The following CHMP6 variants were observed in gnomAD, a reference collection of about 807,000 sequenced individuals.
The protein encoded by CHMP6 is charged multivesicular body protein 6.
CHMP6 carries 10 observed loss-of-function variants against 32.8 expected under a neutral mutation model. The ratio of observed to expected loss-of-function variants is 0.30; its 90% CI spans 0.19 to 0.52. The LOEUF is 0.52. Ranked by LOEUF, CHMP6 falls within the 20% of genes least tolerant of loss-of-function variation. The pLI is 0.97. For synonymous variants in CHMP6, 123 were observed against 105.8 expected, an observed-to-expected ratio of 1.16 and a Z score of -1.00; for missense variants, 269 against 263.8, an observed-to-expected ratio of 1.02 and a Z score of -0.14.
chr17:80,991,923 G>A lies in CHMP6; in HGVS notation c.5G>A (p.Gly2Asp). ...GGGCCAGGGGCGGGCGCCGCCATGG[G>A]TAACCTGTTCGGCCGCAAGAAGCAG... M[G>D]NLFGRKKQSR... The change falls in exon 1 of 8, where the codon GGT becomes GAT. Residue 2 changes from glycine to aspartate, a missense_variant. Gly to Asp is a moderately conservative substitution (Grantham distance 94). Transcript: ENST00000325167. 1 of 1,468,306 alleles carries A rather than the reference G, an allele frequency of 6.8e-7. No homozygotes were observed. The highest frequency in any genetic ancestry group is 9.1e-7 in the Non-Finnish European group (1 of 1,104,442). The allele number at this position is 1,468,306 out of a possible 1,614,324, so 91.0% of individuals were successfully genotyped here. A position where few individuals can be genotyped will look rare whatever the true frequency, so the allele number is the denominator to read the frequency against.
Position 80,997,351 on chromosome 17 carries a change from C to T in CHMP6, c.495+10C>T, listed in dbSNP as rs774760416. On this transcript the variant is annotated intron_variant, in intron 6 of 7. Transcript: ENST00000325167. ...GAGCGCAATCACTCAGGTAACGGCC[C>T]CCCCGGGACTGAGCACAGTCACTCA... The T allele has an allele frequency of 5.0e-6, 8 of 1,601,324 alleles. No homozygotes were observed. The highest frequency in any genetic ancestry group is 1.7e-5 in the Admixed American group (1 of 58,228).
Position 80,996,991 on chromosome 17 carries a change from T to A in CHMP6, c.349-16T>A. The stretch of plus-strand genomic sequence containing the variant: ...GCCTCGCGACAGGGGTCAACACCCA[T>A]CACCCTCGTCCACAGGTGATGTCCA... On this transcript the variant is annotated splice_polypyrimidine_tract_variant and intron_variant, in intron 4 of 7. Coordinates refer to ENST00000325167, the MANE Select transcript of CHMP6 (RefSeq NM_024591.5). 1 of 1,610,654 alleles carries A rather than the reference T, an allele frequency of 6.2e-7. No individual in the cohort carries two copies. Among genetic ancestry groups the A allele is most frequent in the Middle Eastern group, 1.7e-4 (1 of 5,968 alleles).
chr17:80,992,272 G>A (rs1241930266), intron 1 of CHMP6, among the ~76,000 whole-genome samples: 1 of 151,870 alleles, frequency 6.6e-6, no homozygotes, highest in African/African-American at 2.4e-5. Flanking sequence ...TGCGGGATTC[G>A]ACGCCGGCGT....
At chr17:80,996,013 G>A (rs561740617) in intron 4 of CHMP6, among the ~76,000 whole-genome samples, 23 of 152,184 alleles carry the variant, frequency 1.5e-4, no homozygotes, top group Middle Eastern at 6.8e-3. Context: ...GAGGGGGCTG[G>A]CAAACTAATC....
intron 2 of CHMP6, 85 bp from the exon 3 acceptor site, chr17:80,994,934 G>T: frequency 1.4e-6 from 1 of 738,818 alleles, no homozygotes; most frequent in South Asian, 1.9e-5. Context: ...GGGGTGGGGG[G>T]CCCGGGCAGC....
At chr17:80,993,619 C>T (rs527784960) in intron 1 of CHMP6, among the ~76,000 whole-genome samples, 4 of 152,346 alleles carry the variant, frequency 2.6e-5, no homozygotes, top group African/African-American at 7.2e-5. Flanking sequence ...TGTGCCTGCA[C>T]GGGCTCAGCA....
At position 80,999,278 on chromosome 17, in the gene CHMP6, G is replaced by A. The variant is rs188860519; in HGVS notation, c.*125G>A. On this transcript the variant is annotated 3_prime_UTR_variant, in exon 8 of 8. Transcript: ENST00000325167. ...AGTGCGCACGGTGCTGAGCAGAGCT[G>A]CAGCCACGCAGGCGCATTGCAGGAG... The A allele has an allele frequency of 7.7e-4, 821 of 1,068,710 alleles. 6 individuals are homozygous for A. In the African/African-American group the frequency reaches 0.011, roughly 14 times the overall value. The allele number at this position is 1,068,710 out of a possible 1,614,324, so 66.2% of individuals were successfully genotyped here.
intron 7 of CHMP6, 39 bp downstream of exon 7, chr17:80,998,459 G>T (rs141336967): frequency 2.5e-6 from 4 of 1,613,902 alleles, no homozygotes; most frequent in Non-Finnish European, 3.4e-6. Flanking sequence ...GTTGGAATTC[G>T]CAGGAGAAAA....
In CHMP6 at chr17:80,991,848, G is replaced by T; in HGVS notation, c.-71G>T. 8.1e-7 allele frequency: 1 copy of T among 1,240,310 alleles called. No individual in the cohort carries two copies. Among genetic ancestry groups the T allele is most frequent in the African/African-American group, 1.6e-5 (1 of 64,278 alleles). 76.8% of individuals were successfully genotyped at this position (1,240,310 alleles called of 1,614,324 possible). On this transcript the variant is annotated 5_prime_UTR_variant, in exon 1 of 8. Transcript: ENST00000325167. Reference sequence around the variant, plus strand: ...CGCGGCCGCCGTAGCGGGAGGACCCGAGCTACGGTGGCCGCGGGGCGGCGG... The same window carrying T: ...CGCGGCCGCCGTAGCGGGAGGACCCTAGCTACGGTGGCCGCGGGGCGGCGG...
chr17:80,994,687 A>G lies in CHMP6; in HGVS notation c.170A>G (p.Lys57Arg), dbSNP rs531696317. ...CGGCAGCTGCTGCGGGACGGCAGGAAGGAGTGAGTGGGGCCCGGGCAGCGT... is the reference window on the plus strand; with the variant it reads ...CGGCAGCTGCTGCGGGACGGCAGGAGGGAGTGAGTGGGGCCCGGGCAGCGT... ...LARQLLRDGR[K>R]ERAKLLLKKK... The change falls in exon 2 of 8, where the codon AAG becomes AGG. Residue 57 changes from lysine to arginine, a missense_variant. Coordinates refer to ENST00000325167, the MANE Select transcript of CHMP6 (RefSeq NM_024591.5). 2 of 1,570,088 alleles carry G rather than the reference A, an allele frequency of 1.3e-6. No homozygotes were observed. Among genetic ancestry groups the G allele is most frequent in the South Asian group, 2.3e-5 (2 of 85,262 alleles).
intron 4 of CHMP6, 123 bp downstream of exon 4, chr17:80,995,881 G>A: frequency 1.2e-6 from 1 of 815,038 alleles, no homozygotes. Flanking sequence ...GCTGGCAGGG[G>A]AGATGTGTTG....
chr17:80,999,253 A>G lies in CHMP6; in HGVS notation c.*100A>G. On this transcript the variant is annotated 3_prime_UTR_variant, in exon 8 of 8. Transcript: ENST00000325167. ...CCCCTGACCGGGTTCCCTGGAGCCCAGTGCGCACGGTGCTGAGCAGAGCTG... is the reference window on the plus strand; with the variant it reads ...CCCCTGACCGGGTTCCCTGGAGCCCGGTGCGCACGGTGCTGAGCAGAGCTG... 7.3e-7 allele frequency: 1 copy of G among 1,367,336 alleles called. No homozygotes were observed. The highest frequency in any genetic ancestry group is 1.0e-6 in the Non-Finnish European group (1 of 962,326). 84.7% of individuals were successfully genotyped at this position (1,367,336 alleles called of 1,614,324 possible).
intron 1 of CHMP6, among the ~76,000 whole-genome samples, chr17:80,992,389 T>TA (rs2069600459): frequency 1.1e-5 from 1 of 92,530 alleles, no homozygotes; most frequent in South Asian, 3.0e-4. Context: ...CCGGAGTCGC[T>TA]GCCCCCGCCC....
intron 7 of CHMP6, chr17:80,998,790 G>A: frequency 1.1e-6 from 1 of 903,404 alleles, no homozygotes; most frequent in Non-Finnish European, 1.6e-6. Flanking sequence ...CTGCCCACTG[G>A]GAAGCTGACT....
rs779313882 is a variant in CHMP6 at position 80,994,564 on chromosome 17, CCTCT to C, written c.64-10_64-7del. 3 of 1,549,750 alleles carry C rather than the reference CCTCT, an allele frequency of 1.9e-6. No individual in the cohort carries two copies. Among genetic ancestry groups the C allele is most frequent in the Admixed American group, 2.0e-5 (1 of 50,414 alleles). On this transcript the variant is annotated splice_polypyrimidine_tract_variant and intron_variant, in intron 1 of 7. Transcript: ENST00000325167. ...CAGTGTGGGCTCGGTGACGCCAGGC[CCTCT>C]CTCTCTTGGCAGCAACTGAAGCAGC...
rs990659090 is a variant in CHMP6, at chr17:80,999,761, A to C, written c.*608A>C. ...TTCTTGCTGAATTGACGACTCCGAG[A>C]GCCCTGACTCCCGCCTTGCCACTCA... is the stretch of plus-strand genomic sequence containing the variant. On this transcript the variant is annotated 3_prime_UTR_variant, in exon 8 of 8. Coordinates refer to ENST00000325167, the MANE Select transcript of CHMP6 (RefSeq NM_024591.5). 4 of 152,206 alleles carry C rather than the reference A, an allele frequency of 2.6e-5. No individual in the cohort carries two copies. Among genetic ancestry groups the C allele is most frequent in the Non-Finnish European group, 5.9e-5 (4 of 68,316 alleles). 9.4% of individuals were successfully genotyped at this position (152,206 alleles called of 1,614,324 possible). A position where few individuals can be genotyped will look rare whatever the true frequency, so the allele number is the denominator to read the frequency against.
chr17:80,992,438 G>A (rs561549159), intron 1 of CHMP6, among the ~76,000 whole-genome samples: 55 of 152,314 alleles, frequency 3.6e-4, no homozygotes, highest in African/African-American at 1.3e-3. Flanking sequence ...GCCCTGGGCC[G>A]GAGCCCCGGC....
At position 80,998,652 on chromosome 17, in the gene CHMP6, C is replaced by T. The variant is rs562400658; in HGVS notation, c.550+232C>T. On this transcript the variant is annotated intron_variant, in intron 7 of 7. Transcript: ENST00000325167. ...GAGCCATACCCCATTCAAAGAGACA[C>T]ATTCAGAAATCAGAACTGGGGAAAG... 218 of 1,411,262 alleles carry T rather than the reference C, an allele frequency of 1.5e-4. 1 individual carries two copies. The South Asian group carries it at 3.0e-3, about 20-fold the overall frequency. The allele number at this position is 1,411,262 out of a possible 1,614,324, so 87.4% of individuals were successfully genotyped here.
chr17:80,995,480 C>T (rs1182331734), intron 3 of CHMP6, among the ~76,000 whole-genome samples, 192 bp from the exon 4 acceptor site: 1 of 152,130 alleles, frequency 6.6e-6, no homozygotes, highest in Non-Finnish European at 1.5e-5. Context: ...CTGAGTGTGT[C>T]CCTGGCACCT....
Sources: allele counts gnomAD v4.1 joint callset (sites outside exome capture counted in the v4.1 genomes callset), GRCh38; gene constraint gnomAD v4.1.1; transcripts MANE v1.5; gene names NCBI Gene and HGNC (gene_info 2026-07-23, HGNC 2026-07-21).